The following DENND1A variants were observed in gnomAD, a reference collection of about 807,000 sequenced individuals.
DENND1A encodes the protein DENN domain-containing protein 1A.
Under a neutral mutation model 113.7 loss-of-function variants are expected in DENND1A, and 51 were observed. The observed-to-expected ratio is 0.45, with a 90% CI of 0.36 to 0.57. The LOEUF is 0.57. DENND1A is among the 20% of genes least tolerant of loss of function. DENND1A has a pLI of 0.00. For missense variants in DENND1A, 1,258 were observed against 1,395.9 expected (o/e 0.90, Z 1.57); for synonymous variants, 565 against 570.8 (o/e 0.99, Z 0.14).
intron 5 of DENND1A, among the ~76,000 whole-genome samples, chr9:123,730,789 A>G (rs969287061): frequency 2.0e-5 from 3 of 152,206 alleles, no homozygotes; most frequent in Non-Finnish European, 4.4e-5. Context: ...TCATTCTACT[A>G]TAAAGACACA....
At chr9:123,732,695 G>C (rs2068264202) in intron 5 of DENND1A, among the ~76,000 whole-genome samples, 1 of 152,106 alleles carries the variant, frequency 6.6e-6, no homozygotes, top group African/African-American at 2.4e-5. Context: ...AAATAGAAAA[G>C]TCTCACCAAA....
rs1475541806 is a variant in DENND1A, at chr9:123,671,313, C to T, written c.431G>A (p.Gly144Glu). 1 of 1,614,040 alleles carries T rather than the reference C, an allele frequency of 6.2e-7. No homozygotes were observed. Among genetic ancestry groups the T allele is most frequent in the East Asian group, 2.2e-5 (1 of 44,882 alleles). Residue 144 changes from glycine (G) to glutamate (E), a missense_variant, in exon 7 of 24, where the codon GGA becomes GAA. Physicochemically the swap from Gly to Glu is moderately conservative, Grantham distance 98. Transcript: ENST00000394215. ...TLHKLPIPDP[G>E]VSVHLSVHSY... ...TACCACGCTGAGATGGACAGACACT[C>T]CTGGGTCAGGGATGGGAAGTTTGTG...
chr9:123,849,963 T>C (rs756175037), intron 2 of DENND1A, among the ~76,000 whole-genome samples: 1 of 152,186 alleles, frequency 6.6e-6, no homozygotes, highest in Non-Finnish European at 1.5e-5. Context: ...ATGATAAAAT[T>C]TGAATGGATG....
At chr9:123,589,611 TC>T (rs1348546079) in intron 11 of DENND1A, among the ~76,000 whole-genome samples, 1 of 89,512 alleles carries the variant, frequency 1.1e-5, no homozygotes, top group African/African-American at 4.6e-5. Context: ...TGCAAACCCT[TC>T]CCCCCACCAG....
In DENND1A at chr9:123,533,119, C is replaced by T. The variant is rs547999601; in HGVS notation, c.993+24451G>A. Among the ~76,000 whole-genome samples, 5 of 152,322 alleles carry T rather than the reference C, an allele frequency of 3.3e-5. No homozygotes were observed. In the East Asian group the frequency reaches 9.6e-4, roughly 29 times the overall value. ...TTCTCTATCTCTGCTGTTGAATTCT[C>T]CTGCAAAAGGAAACTCACATTTTCT... On this transcript the variant is annotated intron_variant, in intron 13 of 23. Coordinates refer to ENST00000394215, the MANE Select transcript of DENND1A (RefSeq NM_001352964.2).
chr9:123,848,642 T>C (rs1480830292), intron 2 of DENND1A, among the ~76,000 whole-genome samples: 1 of 152,132 alleles, frequency 6.6e-6, no homozygotes, highest in Non-Finnish European at 1.5e-5. Flanking sequence ...AATCAAAAGC[T>C]AAACATAATT....
chr9:123,915,116 G>A (rs1324175313), intron 1 of DENND1A, among the ~76,000 whole-genome samples: 1 of 151,944 alleles, frequency 6.6e-6, no homozygotes, highest in African/African-American at 2.4e-5. Flanking sequence ...CTCTCTACAG[G>A]GCTAGTGTAC....
chr9:123,840,279 C>G (rs1015993873), intron 2 of DENND1A, among the ~76,000 whole-genome samples: 3 of 151,474 alleles, frequency 2.0e-5, no homozygotes, highest in Non-Finnish European at 4.4e-5. Context: ...GGAATGTAAC[C>G]TATTTTCAGG....
In DENND1A at chr9:123,652,080, ATGT is replaced by A. The variant is rs2062690515; in HGVS notation, c.548_550del (p.Asn183del). The A allele has an allele frequency of 6.2e-7, 1 of 1,614,214 alleles. No homozygotes were observed. On this transcript the variant is annotated inframe_deletion, in exon 9 of 24. Transcript: ENST00000394215. ...CAGCATACTGGCGTACAGATGCAAC[ATGT>A]TGTTAACATCCACAGCCACAAAATA...
intron 21 of DENND1A, among the ~76,000 whole-genome samples, chr9:123,388,719 C>T (rs1452850761): frequency 6.6e-6 from 1 of 152,236 alleles, no homozygotes; most frequent in Non-Finnish European, 1.5e-5. Flanking sequence ...ACTCCACGCC[C>T]GGCTCCCATG....
intron 11 of DENND1A, among the ~76,000 whole-genome samples, chr9:123,595,174 A>C (rs1252520806): frequency 6.6e-6 from 1 of 152,160 alleles, no homozygotes; most frequent in Admixed American, 6.5e-5. Context: ...CTTTAAACAG[A>C]AACAGAAGCT....
chr9:123,856,634 T>G (rs1350868741), intron 2 of DENND1A, among the ~76,000 whole-genome samples: 1 of 152,048 alleles, frequency 6.6e-6, no homozygotes, highest in African/African-American at 2.4e-5. Flanking sequence ...TGGAAGGACA[T>G]GGCAGCCATG....
chr9:123,681,157 G>A (rs1483408352), intron 5 of DENND1A, among the ~76,000 whole-genome samples: 1 of 152,100 alleles, frequency 6.6e-6, no homozygotes, highest in Non-Finnish European at 1.5e-5. Context: ...TGACTCAAGG[G>A]GGCAAGGAGG....
chr9:123,383,956 C>T, intron 22 of DENND1A, 43 bp from the exon 23 acceptor site: 2 of 1,580,282 alleles, frequency 1.3e-6, no homozygotes, highest in Non-Finnish European at 1.7e-6. Flanking sequence ...CCCAGGCCTT[C>T]AGGGGAGGAG....
chr9:123,475,849 C>G (rs995932689), intron 13 of DENND1A, among the ~76,000 whole-genome samples: 1 of 152,222 alleles, frequency 6.6e-6, no homozygotes, highest in African/African-American at 2.4e-5. Flanking sequence ...AGGTGATCAT[C>G]TGGGGGGACA....
At chr9:123,384,482 C>T (rs1268816924) in intron 22 of DENND1A, among the ~76,000 whole-genome samples, 1 of 152,232 alleles carries the variant, frequency 6.6e-6, no homozygotes, top group Non-Finnish European at 1.5e-5. Context: ...GGTCACTTAA[C>T]TCTCTGAGCC....
intron 16 of DENND1A, 32 bp from the exon 17 acceptor site, chr9:123,452,379 C>T: frequency 6.3e-7 from 1 of 1,585,996 alleles, no homozygotes; most frequent in Non-Finnish European, 8.7e-7. Context: ...GCAATTTGGG[C>T]TGAAGACAGA....
At chr9:123,662,052 A>G (rs1243609462) in intron 8 of DENND1A, among the ~76,000 whole-genome samples, 1 of 152,216 alleles carries the variant, frequency 6.6e-6, no homozygotes, top group African/African-American at 2.4e-5. Flanking sequence ...AGTGCCCAGC[A>G]CAATAGATGA....
chr9:123,516,877 T>G (rs1282791322), intron 13 of DENND1A, among the ~76,000 whole-genome samples: 26 of 59,570 alleles, frequency 4.4e-4, no homozygotes, highest in Admixed American at 3.1e-3. Context: ...AGAGTGAGAC[T>G]CTGTCTCAAA....
Sources: allele counts gnomAD v4.1 joint callset (sites outside exome capture counted in the v4.1 genomes callset), GRCh38; gene constraint gnomAD v4.1.1; transcripts MANE v1.5; gene names NCBI Gene and HGNC (gene_info 2026-07-23, HGNC 2026-07-21).